Variants in THSD7B observed in about 807,000 individuals in gnomAD.
THSD7B encodes thrombospondin type 1 domain containing 7B, also known as thrombospondin type-1 domain-containing protein 7B.
Under a neutral mutation model 213.6 loss-of-function variants are expected in THSD7B, and 138 were observed. The ratio of observed to expected loss-of-function variants is 0.65; its 90% confidence interval spans 0.56 to 0.74. THSD7B has a LOEUF of 0.74. THSD7B is among the 30% of genes least tolerant of loss of function. The pLI, the probability that THSD7B is intolerant of heterozygous loss-of-function variation, is 0.00. For missense variants in THSD7B, 1,931 were observed against 1,991.5 expected, an observed-to-expected ratio of 0.97 and a Z score of 0.58; for synonymous variants, 742 against 687.0, an observed-to-expected ratio of 1.08 and a Z score of -1.25.
At chr2:137,424,210 TA>T (rs965388140) in intron 14 of THSD7B, among the ~76,000 whole-genome samples, 5 of 152,138 alleles carry the variant, frequency 3.3e-5, no homozygotes, top group Admixed American at 1.3e-4. Context: ...AAAAAAATTA[TA>T]AAAAAACTTA....
intron 3 of THSD7B, among the ~76,000 whole-genome samples, chr2:137,068,442 A>AT (rs1243610712): frequency 2.0e-5 from 3 of 152,066 alleles, no homozygotes; most frequent in African/African-American, 7.2e-5. Context: ...TGTAACTTTC[A>AT]TTGCCAAAAA....
intron 15 of THSD7B, among the ~76,000 whole-genome samples, chr2:137,534,080 T>C (rs1393624313): frequency 6.6e-6 from 1 of 151,468 alleles, no homozygotes; most frequent in Non-Finnish European, 1.5e-5. Flanking sequence ...GCTTGTTTTC[T>C]TCCAACTTTG....
At chr2:137,113,182 C>G (rs1479757914) in intron 4 of THSD7B, among the ~76,000 whole-genome samples, 2 of 152,172 alleles carry the variant, frequency 1.3e-5, no homozygotes, top group African/African-American at 4.8e-5. Context: ...TCCACCCCAA[C>G]ATTCTCATAC....
intron 14 of THSD7B, among the ~76,000 whole-genome samples, chr2:137,422,996 T>G (rs1437673444): frequency 6.6e-6 from 1 of 152,152 alleles, no homozygotes; most frequent in Non-Finnish European, 1.5e-5. Context: ...GGACCCATGA[T>G]GAAATCCACG....
At chr2:137,485,385 C>A (rs2105112252) in intron 15 of THSD7B, among the ~76,000 whole-genome samples, 1 of 152,042 alleles carries the variant, frequency 6.6e-6, no homozygotes, top group South Asian at 2.1e-4. Context: ...ATCTATATCT[C>A]TGTTTTGGTA....
intron 2 of THSD7B, among the ~76,000 whole-genome samples, chr2:136,951,495 A>T (rs1287757298): frequency 6.6e-6 from 1 of 152,242 alleles, no homozygotes; most frequent in Non-Finnish European, 1.5e-5. Context: ...TCTGGGGGAA[A>T]AATAGCAAAT....
At chr2:136,865,304 A>G (rs568973750) in intron 1 of THSD7B, among the ~76,000 whole-genome samples, 2 of 152,360 alleles carry the variant, frequency 1.3e-5, no homozygotes, top group Admixed American at 6.5e-5. Flanking sequence ...GCTTCATTGC[A>G]TTGGGAAAGA....
rs115926891 is a variant in THSD7B, at chr2:137,360,388, G to A, written c.2501-45225G>A. Among the ~76,000 whole-genome samples, 1,483 of 152,212 alleles carry A rather than the reference G, an allele frequency of 9.7e-3. 30 individuals are homozygous for A. Among genetic ancestry groups the A allele is most frequent in the African/African-American group, 0.035 (1,433 of 41,522 alleles). On this transcript the variant is annotated intron_variant, in intron 12 of 27. Coordinates refer to ENST00000409968, the MANE Select transcript of THSD7B (RefSeq NM_001316349.2). ...GTCAGACAGGGTGCACCCTACGGAG[G>A]GTGAGCTGAAGCAGAGTGGGGCACT...
Position 137,642,602 on chromosome 2 carries a change from T to A in THSD7B, c.3914T>A (p.Val1305Asp), listed in dbSNP as rs766645802. 2.7e-5 allele frequency: 44 copies of A among 1,613,890 alleles called. No individual in the cohort carries two copies. In the Admixed American group the frequency reaches 5.5e-4, roughly 20 times the overall value. Residue 1305 changes from valine (V) to aspartate (D), a missense_variant, in exon 21 of 28, where the codon GTC becomes GAC. By Grantham distance (152) the Val-to-Asp change is radical (BLOSUM62 -3). Coordinates refer to ENST00000409968, the MANE Select transcript of THSD7B (RefSeq NM_001316349.2). Reference sequence around the variant, plus strand: ...CCAGTGACCCCCTGCTACAGCTGGGTCCTTGGCAACTGGTCTGCATGTAAA... The same window carrying A: ...CCAGTGACCCCCTGCTACAGCTGGGACCTTGGCAACTGGTCTGCATGTAAA... ...TCPVTPCYSW[V>D]LGNWSACKLE...
chr2:137,183,446 C>G (rs1680492413), intron 7 of THSD7B, among the ~76,000 whole-genome samples: 1 of 152,122 alleles, frequency 6.6e-6, no homozygotes, highest in Admixed American at 6.6e-5. Context: ...GTCTGGTAAT[C>G]TTCAGTCAAT....
chr2:137,033,137 TG>T (rs1368452248), intron 2 of THSD7B, among the ~76,000 whole-genome samples: 4 of 258 alleles, frequency 0.016, no homozygotes, highest in Non-Finnish European at 0.031. Flanking sequence ...TAAAACTCAG[TG>T]GCCCTAAAAA....
intron 15 of THSD7B, among the ~76,000 whole-genome samples, chr2:137,463,897 T>G (rs1465119197): frequency 6.6e-6 from 1 of 152,108 alleles, no homozygotes; most frequent in Non-Finnish European, 1.5e-5. Flanking sequence ...AAAGGCAGCT[T>G]CTGCACAGCC....
At position 136,882,151 on chromosome 2, in the gene THSD7B, C is replaced by A. The variant is rs1302421563; in HGVS notation, c.-28C>A. 2.7e-6 allele frequency: 4 copies of A among 1,478,302 alleles called. No individual in the cohort carries two copies. In the African/African-American group the frequency reaches 5.8e-5, roughly 21 times the overall value. 91.6% of individuals were successfully genotyped at this position (1,478,302 alleles called of 1,614,324 possible). On this transcript the variant is annotated 5_prime_UTR_variant, in exon 2 of 28. Transcript: ENST00000409968. ...TTTCTTTTTCTCTTTTAGGAATAGG[C>A]AAGTCAAGAGGCTGAAAAATCTGAA...
chr2:137,329,568 T>C (rs1218124634), intron 12 of THSD7B, among the ~76,000 whole-genome samples: 2 of 152,168 alleles, frequency 1.3e-5, no homozygotes, highest in East Asian at 3.9e-4. Flanking sequence ...GGTTTCACCA[T>C]GTTGGCCAGG....
chr2:137,099,253 G>A (rs1338811662), intron 4 of THSD7B, among the ~76,000 whole-genome samples: 2 of 152,136 alleles, frequency 1.3e-5, no homozygotes, highest in Non-Finnish European at 2.9e-5. Flanking sequence ...TGAGATAGGA[G>A]TCATTTAGGA....
intron 14 of THSD7B, among the ~76,000 whole-genome samples, chr2:137,418,006 A>ATAG (rs1686836657): frequency 6.6e-6 from 1 of 152,228 alleles, no homozygotes; most frequent in East Asian, 1.9e-4. Flanking sequence ...GGGAAGAATA[A>ATAG]TAGTGTCTGG....
rs143276368 is a variant in THSD7B, at chr2:137,403,527, T to G, written c.2501-2086T>G. ...ACTGTAAAAAAGTGATCCTAAACTA[T>G]GATTTCTTTAGAATGATGAATTCAG... On this transcript the variant is annotated intron_variant, in intron 12 of 27. Coordinates refer to ENST00000409968, the MANE Select transcript of THSD7B (RefSeq NM_001316349.2). 1.3e-3 allele frequency among the ~76,000 whole-genome samples: 194 copies of G among 152,342 alleles called. 1 individual carries two copies. Among genetic ancestry groups the G allele is most frequent in the African/African-American group, 4.3e-3 (180 of 41,576 alleles).
chr2:137,037,224 T>C (rs1373351106), intron 2 of THSD7B, among the ~76,000 whole-genome samples: 1 of 152,182 alleles, frequency 6.6e-6, no homozygotes, highest in Non-Finnish European at 1.5e-5. Context: ...ACATAGCAGT[T>C]ACATAACCCT....
intron 5 of THSD7B, among the ~76,000 whole-genome samples, chr2:137,156,564 T>G (rs1248298213): frequency 6.6e-6 from 1 of 152,166 alleles, no homozygotes; most frequent in African/African-American, 2.4e-5. Flanking sequence ...GTCAACTAAT[T>G]GACAGTTAAG....
Sources: gnomAD v4.1 joint callset for allele counts (sites outside exome capture counted in the v4.1 genomes callset) on GRCh38, gnomAD v4.1.1 for gene constraint, MANE v1.5 for transcripts, NCBI Gene and HGNC (gene_info 2026-07-23, HGNC 2026-07-21) for gene names.